Variants in SLC22A23 observed in about 807,000 individuals in gnomAD.
SLC22A23 encodes ion transporter protein.
SLC22A23 carries 26 observed loss-of-function variants against 61.0 expected under a neutral mutation model. The observed-to-expected ratio is 0.43, with a 90% CI of 0.31 to 0.59. SLC22A23 has a LOEUF of 0.59. Among genes scored for constraint, SLC22A23 ranks in the 20% least tolerant of loss-of-function variants. The pLI, the probability that SLC22A23 is intolerant of heterozygous loss-of-function variation, is 0.11. For synonymous variants in SLC22A23, 430 were observed against 413.9 expected, an observed-to-expected ratio of 1.04 and a Z score of -0.47; for missense variants, 796 against 934.7, an observed-to-expected ratio of 0.85 and a Z score of 1.94.
chr6:3,365,071 C>G (rs1453595636), intron 3 of SLC22A23, among the ~76,000 whole-genome samples: 2 of 152,220 alleles, frequency 1.3e-5, no homozygotes, highest in Admixed American at 1.3e-4. Flanking sequence ...GTAATCCCAA[C>G]ACTTTGGGAG....
chr6:3,281,030 G>A (rs1400074149), intron 9 of SLC22A23, among the ~76,000 whole-genome samples: 3 of 152,136 alleles, frequency 2.0e-5, no homozygotes, highest in Admixed American at 6.5e-5. Flanking sequence ...GATCACCAGC[G>A]CCTGCCTCCT....
At chr6:3,294,068 C>T (rs901720142) in intron 5 of SLC22A23, among the ~76,000 whole-genome samples, 5 of 152,174 alleles carry the variant, frequency 3.3e-5, no homozygotes, top group Non-Finnish European at 1.5e-5. Context: ...CCGTCCTTCC[C>T]CTGGGGCTAG....
At chr6:3,283,815 G>A (rs1409491746) in intron 9 of SLC22A23, 37 bp downstream of exon 9, 2 of 1,611,898 alleles carry the variant, frequency 1.2e-6, no homozygotes, top group South Asian at 2.2e-5. Flanking sequence ...TGATTTCCGA[G>A]AAGCCGGCGT....
At chr6:3,336,226 C>T (rs1472579150) in intron 3 of SLC22A23, among the ~76,000 whole-genome samples, 1 of 152,180 alleles carries the variant, frequency 6.6e-6, no homozygotes, top group Non-Finnish European at 1.5e-5. Flanking sequence ...TGGGAGGCTG[C>T]GAGTCAGAAT....
chr6:3,456,435 GCGCGTCCCCCGAGGGGCGCCGAGGCCGC>G lies in SLC22A23; in HGVS notation c.97_124del (p.Ala33ArgfsTer199), dbSNP rs1772413805. 8 of 1,315,050 alleles carry G rather than the reference GCGCGTCCCCCGAGGGGCGCCGAGGCCGC, an allele frequency of 6.1e-6. No individual in the cohort carries two copies. The highest frequency in any genetic ancestry group is 5.8e-6 in the Non-Finnish European group (6 of 1,035,790). The allele number at this position is 1,315,050 out of a possible 1,614,324, so 81.5% of individuals were successfully genotyped here. On this transcript the variant is annotated frameshift_variant, in exon 1 of 10. Transcript: ENST00000406686. LOFTEE classifies it high-confidence loss of function. This position sits in a 1 kb window ranked among gnomAD's most constrained non-coding sequence, Gnocchi z 7.1. ...GATCTCCGCGCCGCCGCCGGGGCCC[GCGCGTCCCCCGAGGGGCGCCGAGGCCGC>G]CGCGTCCCCGGGCGGCAGGGAGCCG...
intron 1 of SLC22A23, among the ~76,000 whole-genome samples, chr6:3,421,260 A>T (rs1475491502): frequency 6.6e-6 from 1 of 152,232 alleles, no homozygotes; most frequent in Non-Finnish European, 1.5e-5. Context: ...ATTTGGCAAT[A>T]TGCAGCACAT....
At chr6:3,340,025 A>T (rs964691565) in intron 3 of SLC22A23, among the ~76,000 whole-genome samples, 1 of 152,170 alleles carries the variant, frequency 6.6e-6, no homozygotes, top group African/African-American at 2.4e-5. Context: ...AACATATGAA[A>T]TTAAAAATGT....
chr6:3,298,335 G>T, intron 4 of SLC22A23, 117 bp from the exon 5 acceptor site: 1 of 1,126,382 alleles, frequency 8.9e-7, no homozygotes, highest in Non-Finnish European at 1.2e-6. Flanking sequence ...CTCCAGACAC[G>T]CATCAGCCCA....
chr6:3,396,443 G>A (rs1561950469), intron 3 of SLC22A23, among the ~76,000 whole-genome samples: 1 of 152,188 alleles, frequency 6.6e-6, no homozygotes, highest in Non-Finnish European at 1.5e-5. Context: ...CAGCTACTCG[G>A]GAGGCTGAGG....
intron 9 of SLC22A23, among the ~76,000 whole-genome samples, chr6:3,274,192 A>G (rs1231058664): frequency 2.6e-5 from 4 of 152,328 alleles, no homozygotes; most frequent in East Asian, 3.9e-4. Flanking sequence ...CAGAACCCCT[A>G]TCCCTCAAAC....
intron 3 of SLC22A23, among the ~76,000 whole-genome samples, chr6:3,378,790 T>G (rs1362806606): frequency 6.6e-6 from 1 of 151,776 alleles, no homozygotes; most frequent in Non-Finnish European, 1.5e-5. Context: ...CCTGAGTAGC[T>G]GGGATTACAG....
rs1009671342 is a variant in SLC22A23, at chr6:3,304,587, C to T, written c.1083-6369G>A. Among the ~76,000 whole-genome samples the T allele has an allele frequency of 6.7e-6, 1 of 149,218 alleles. No individual in the cohort carries two copies. Among genetic ancestry groups the T allele is most frequent in the Non-Finnish European group, 1.5e-5 (1 of 66,068 alleles). ...CATCTGAAATGGATTTGTCACTACT[C>T]ACTCAAATCCACTGAGCGAGTTGGA... On this transcript the variant is annotated intron_variant, in intron 4 of 9. Coordinates refer to ENST00000406686, the MANE Select transcript of SLC22A23 (RefSeq NM_015482.2). The surrounding 1 kb of genome is among the most constrained non-coding windows in gnomAD (Gnocchi z 4.3).
At position 3,456,784 on chromosome 6, in the gene SLC22A23, G is replaced by A. The variant is rs918232056; in HGVS notation, c.-225C>T. ...CGGCCCCGCTCGGGCGCCGGGCAGA[G>A]GCGGGCAGAGGCCGGCCGGGCCCTC... On this transcript the variant is annotated 5_prime_UTR_variant, in exon 1 of 10. Coordinates refer to ENST00000406686, the MANE Select transcript of SLC22A23 (RefSeq NM_015482.2). The surrounding 1 kb of genome is among the most constrained non-coding windows in gnomAD (Gnocchi z 7.1). The A allele has an allele frequency of 1.3e-5, 2 of 152,198 alleles. No individual in the cohort carries two copies. Among genetic ancestry groups the A allele is most frequent in the African/African-American group, 4.9e-5 (2 of 40,906 alleles). The allele number at this position is 152,198 out of a possible 1,614,324, so 9.4% of individuals were successfully genotyped here.
rs1772424184 is a variant in SLC22A23 at position 3,456,634 on chromosome 6, C to G, written c.-75G>C. 2 of 921,768 alleles carry G rather than the reference C, an allele frequency of 2.2e-6. No individual in the cohort carries two copies. Among genetic ancestry groups the G allele is most frequent in the Non-Finnish European group, 2.6e-6 (2 of 774,878 alleles). 57.1% of individuals were successfully genotyped at this position (921,768 alleles called of 1,614,324 possible). ...CCGCGGGCGCCCCGGGCACAGCGCG[C>G]CGGGCCAGGCGCCTGCAGCCGCTGC... On this transcript the variant is annotated 5_prime_UTR_variant, in exon 1 of 10. Transcript: ENST00000406686. The surrounding 1 kb of genome is among the most constrained non-coding windows in gnomAD (Gnocchi z 7.1).
intron 3 of SLC22A23, among the ~76,000 whole-genome samples, chr6:3,402,352 A>C (rs1233172536): frequency 6.6e-6 from 1 of 152,188 alleles, no homozygotes; most frequent in African/African-American, 2.4e-5. Context: ...AAGGTCATGG[A>C]GGATAGGTCT....
intron 1 of SLC22A23, among the ~76,000 whole-genome samples, chr6:3,438,143 T>C (rs1771345776): frequency 1.3e-5 from 2 of 152,074 alleles, no homozygotes; most frequent in Admixed American, 1.3e-4. Context: ...TTGACAGCCG[T>C]GTGCTAGAGG....
At chr6:3,366,867 C>T (rs1765871063) in intron 3 of SLC22A23, among the ~76,000 whole-genome samples, 1 of 152,188 alleles carries the variant, frequency 6.6e-6, no homozygotes, top group Non-Finnish European at 1.5e-5. Context: ...CTGTCTCCTA[C>T]CCCATCCTCC....
At chr6:3,300,162 C>T (rs148329947) in intron 4 of SLC22A23, among the ~76,000 whole-genome samples, 6,465 of 151,936 alleles carry the variant, frequency 0.043, 185 homozygotes, top group Middle Eastern at 0.068. Flanking sequence ...AGGAATGTAC[C>T]ACCATGCTTG....
In SLC22A23 at chr6:3,329,024, C is replaced by T. The variant is rs1266875672; in HGVS notation, c.914-5022G>A. ...GGGACCGTCTGTCAAAACACTGCAG[C>T]ACCCAGGGAGGAGCCCCAGGGAGCA... On this transcript the variant is annotated intron_variant, in intron 3 of 9. Coordinates refer to ENST00000406686, the MANE Select transcript of SLC22A23 (RefSeq NM_015482.2). This position sits in a 1 kb window ranked among gnomAD's most constrained non-coding sequence, Gnocchi z 4.8. Among the ~76,000 whole-genome samples the T allele has an allele frequency of 1.3e-5, 2 of 152,164 alleles. No individual in the cohort carries two copies. The highest frequency in any genetic ancestry group is 2.9e-5 in the Non-Finnish European group (2 of 68,026).
Sources: allele counts gnomAD v4.1 joint callset (sites outside exome capture counted in the v4.1 genomes callset), GRCh38; gene constraint gnomAD v4.1.1; non-coding constraint Gnocchi (gnomAD v3.1); transcripts MANE v1.5; gene names NCBI Gene and HGNC (gene_info 2026-07-23, HGNC 2026-07-21).